Variants in CDK13 observed in about 807,000 individuals in gnomAD.
The protein encoded by CDK13 is cyclin-dependent kinase 13.
Under a neutral mutation model 137.6 loss-of-function variants are expected in CDK13, and 40 were observed. The ratio of observed to expected loss-of-function variants is 0.29; its 90% CI spans 0.23 to 0.38. The LOEUF (loss-of-function observed/expected upper bound fraction) is 0.38, where lower values mean the gene tolerates loss of function less well. CDK13 is among the 10% of genes least tolerant of loss of function. The probability of loss-of-function intolerance (pLI) is 1.00; values close to 1 mark genes in which losing one functional copy is unlikely to be tolerated. For synonymous variants in CDK13, 869 were observed against 760.1 expected (o/e 1.14, Z -2.36); for missense variants, 1,704 against 1,951.8 (o/e 0.87, Z 2.39).
chr7:40,086,714 A>C (rs767093704), intron 11 of CDK13, among the ~76,000 whole-genome samples: 4 of 152,054 alleles, frequency 2.6e-5, no homozygotes, highest in Non-Finnish European at 5.9e-5. Flanking sequence ...CTGTAGCATC[A>C]GTTTAATTCT....
At chr7:39,977,986 C>T (rs1002289762) in intron 1 of CDK13, among the ~76,000 whole-genome samples, 3 of 151,966 alleles carry the variant, frequency 2.0e-5, no homozygotes, top group Admixed American at 6.6e-5. Flanking sequence ...GTGCCACTGC[C>T]TCAGAATAGG....
intron 5 of CDK13, 50 bp from the exon 6 acceptor site, chr7:40,045,786 G>T: frequency 8.0e-7 from 1 of 1,245,486 alleles, no homozygotes. Flanking sequence ...TGAATTTATG[G>T]AAAGGTTGTA....
chr7:39,965,562 T>C (rs1316771131), intron 1 of CDK13, among the ~76,000 whole-genome samples: 1 of 152,216 alleles, frequency 6.6e-6, no homozygotes, highest in African/African-American at 2.4e-5. Flanking sequence ...GGGTCTTGAC[T>C]CTTTATCCAA....
chr7:40,022,289 C>T (rs184473560), intron 5 of CDK13, among the ~76,000 whole-genome samples: 7 of 152,210 alleles, frequency 4.6e-5, no homozygotes, highest in Admixed American at 4.6e-4. Flanking sequence ...TTGCTACTGC[C>T]CCCATCAGCC....
chr7:40,079,016 A>T (rs1386751436), intron 11 of CDK13, among the ~76,000 whole-genome samples, 165 bp downstream of exon 11: 5 of 152,116 alleles, frequency 3.3e-5, no homozygotes, highest in African/African-American at 7.2e-5. Flanking sequence ...CACATCTGGG[A>T]TATAGATGCT....
intron 9 of CDK13, 116 bp from the exon 10 acceptor site, chr7:40,077,889 T>C: frequency 5.7e-6 from 3 of 530,670 alleles, no homozygotes; most frequent in Non-Finnish European, 6.7e-6. Context: ...CAAAAGTTTT[T>C]ATAGACCAAG....
In CDK13 at chr7:40,063,202, G is replaced by C. The variant is rs980450224; in HGVS notation, c.2780+102G>C. On this transcript the variant is annotated intron_variant, in intron 9 of 13. Transcript: ENST00000181839. The stretch of plus-strand genomic sequence containing the variant: ...TGTCTTTTCAGGAAGAGAACAACAT[G>C]GTTCTCTGGAGGGCTTATGACTGCT... 10 of 850,228 alleles carry C rather than the reference G, an allele frequency of 1.2e-5. No homozygotes were observed. The African/African-American group carries it at 1.4e-4, about 11-fold the overall frequency. 52.7% of individuals were successfully genotyped at this position (850,228 alleles called of 1,614,324 possible). A position where few individuals can be genotyped will look rare whatever the true frequency, so the allele number is the denominator to read the frequency against.
At chr7:40,021,100 A>C (rs111490308) in intron 5 of CDK13, among the ~76,000 whole-genome samples, 45 of 9,992 alleles carry the variant, frequency 4.5e-3, no homozygotes, top group Middle Eastern at 0.1. Flanking sequence ...AGAGCAAACA[A>C]ACGTATATAT....
intron 7 of CDK13, among the ~76,000 whole-genome samples, chr7:40,054,044 C>T (rs776937720): frequency 6.6e-6 from 1 of 152,130 alleles, no homozygotes; most frequent in Non-Finnish European, 1.5e-5. Context: ...ACTCTGAATT[C>T]AGCCTTGATT....
rs1386098672 is a variant in CDK13, at chr7:39,982,530, C to CAA, written c.1212-5068_1212-5067insAA. 1.0e-3 allele frequency among the ~76,000 whole-genome samples: 158 copies of CAA among 152,090 alleles called. 1 individual carries two copies. The highest frequency in any genetic ancestry group is 3.7e-3 in the African/African-American group (152 of 41,478). Reference sequence around the variant, plus strand: ...ATTTATAGTCCTTTGGGTATATACCCAGTAATGGGATGGCTGGGTCAAATG... The same window carrying CAA: ...ATTTATAGTCCTTTGGGTATATACCCAAAGTAATGGGATGGCTGGGTCAAATG... On this transcript the variant is annotated intron_variant, in intron 1 of 13. Transcript: ENST00000181839.
chr7:39,995,169 T>C (rs1784535254), intron 2 of CDK13, among the ~76,000 whole-genome samples: 1 of 152,168 alleles, frequency 6.6e-6, no homozygotes, highest in Non-Finnish European at 1.5e-5. Context: ...TATTTTATTA[T>C]TGCAAATATT....
chr7:40,090,973 G>A (rs1278197056), intron 12 of CDK13, among the ~76,000 whole-genome samples: 1 of 152,096 alleles, frequency 6.6e-6, no homozygotes, highest in African/African-American at 2.4e-5. Context: ...CACTTTGGGA[G>A]GCCGAGGTGG....
At chr7:39,985,109 C>T (rs1303021626) in intron 1 of CDK13, 1 of 150,458 alleles carries the variant, frequency 6.6e-6, no homozygotes, top group Non-Finnish European at 1.5e-5. Flanking sequence ...CTCCCCCGAC[C>T]CTCCACCATG....
chr7:39,959,888 T>A (rs913203264), intron 1 of CDK13, among the ~76,000 whole-genome samples: 2 of 151,438 alleles, frequency 1.3e-5, no homozygotes, highest in African/African-American at 4.9e-5. Context: ...CGTGAGCTTG[T>A]CTTTTATCTT....
At chr7:40,064,207 C>T (rs1376522783) in intron 9 of CDK13, among the ~76,000 whole-genome samples, 1 of 150,296 alleles carries the variant, frequency 6.7e-6, no homozygotes, top group East Asian at 2.0e-4. Context: ...TCATTTGAAC[C>T]CAGGAGGCGA....
chr7:40,041,580 C>T (rs924252220), intron 5 of CDK13, among the ~76,000 whole-genome samples: 1 of 152,188 alleles, frequency 6.6e-6, no homozygotes, highest in Non-Finnish European at 1.5e-5. Context: ...TCATTAGCCA[C>T]ATGTGGCTAG....
chr7:39,965,424 A>C (rs1221876818), intron 1 of CDK13, among the ~76,000 whole-genome samples: 2 of 151,940 alleles, frequency 1.3e-5, no homozygotes, highest in African/African-American at 4.8e-5. Flanking sequence ...GTTTTATCTG[A>C]GACTAGGATT....
chr7:40,007,108 T>C (rs1277614311), intron 5 of CDK13, among the ~76,000 whole-genome samples: 1 of 152,210 alleles, frequency 6.6e-6, no homozygotes, highest in African/African-American at 2.4e-5. Flanking sequence ...AAACTTAACA[T>C]GGTATCCTGG....
intron 5 of CDK13, among the ~76,000 whole-genome samples, chr7:40,015,593 G>A (rs17537936): frequency 2.0e-5 from 3 of 152,070 alleles, no homozygotes; most frequent in Non-Finnish European, 4.4e-5. Context: ...TAGCTTGGTA[G>A]TAGATTGATT....
Sources: allele counts gnomAD v4.1 joint callset (sites outside exome capture counted in the v4.1 genomes callset), GRCh38; gene constraint gnomAD v4.1.1; transcripts MANE v1.5; gene names NCBI Gene and HGNC (gene_info 2026-07-23, HGNC 2026-07-21).